The following MAPK6 variants were observed in gnomAD, a reference collection of about 807,000 sequenced individuals.
MAPK6 encodes mitogen-activated protein kinase 6.
MAPK6 carries 19 observed loss-of-function variants against 59.3 expected under a neutral mutation model. That is an observed-to-expected ratio of 0.32 (90% CI 0.22 to 0.47). The LOEUF (loss-of-function observed/expected upper bound fraction) is 0.47. MAPK6 is among the 20% of genes least tolerant of loss of function. The probability of loss-of-function intolerance (pLI) is 1.00; values close to 1 mark genes in which losing one functional copy is unlikely to be tolerated. For missense variants in MAPK6, 724 were observed against 847.9 expected (o/e 0.85, Z 1.81); for synonymous variants, 316 against 290.3 (o/e 1.09, Z -0.90).
At chr15:51,999,686 C>G (rs1278390547) in intron 2 of MAPK6, among the ~76,000 whole-genome samples, 16 of 152,110 alleles carry the variant, frequency 1.1e-4, no homozygotes, top group Admixed American at 8.5e-4. Context: ...CTCTGTCATC[C>G]AGGCTGGAAT....
intron 1 of MAPK6, among the ~76,000 whole-genome samples, chr15:52,032,708 G>C (rs1373694150): frequency 1.3e-5 from 2 of 151,240 alleles, no homozygotes; most frequent in Non-Finnish European, 3.0e-5. Context: ...TTTTGACACG[G>C]ACTTTCGCTC....
intron 3 of MAPK6, among the ~76,000 whole-genome samples, chr15:52,056,026 CATTCAAT>C (rs2031968651): frequency 6.6e-6 from 1 of 152,028 alleles, no homozygotes; most frequent in South Asian, 2.1e-4. Context: ...GTCAGTGACC[CATTCAAT>C]AAAAACACGA....
chr15:52,018,117 C>T (rs1595972436), upstream of MAPK6: 1 of 152,158 alleles, frequency 6.6e-6, no homozygotes, highest in Non-Finnish European at 1.5e-5. Flanking sequence ...TGCAACCCCC[C>T]GCGGGGTTCA....
intron 2 of MAPK6, among the ~76,000 whole-genome samples, chr15:51,991,409 G>T (rs891004110): frequency 2.0e-5 from 3 of 152,050 alleles, no homozygotes; most frequent in African/African-American, 7.2e-5. Flanking sequence ...GAAAATTTAG[G>T]TCTCATGCCA....
chr15:52,033,253 G>C (rs2031108391), intron 1 of MAPK6, among the ~76,000 whole-genome samples: 1 of 152,056 alleles, frequency 6.6e-6, no homozygotes, highest in Admixed American at 6.6e-5. Context: ...ATTGTTTTTG[G>C]GTGTGTCTGT....
At chr15:51,993,282 AAAT>A (rs1253881627) in intron 2 of MAPK6, among the ~76,000 whole-genome samples, 1 of 152,228 alleles carries the variant, frequency 6.6e-6, no homozygotes, top group Non-Finnish European at 1.5e-5. Context: ...GTCAAAGACC[AAAT>A]ATTAGAACAA....
intron 1 of MAPK6, among the ~76,000 whole-genome samples, chr15:52,030,463 C>T (rs770394491): frequency 7.9e-5 from 12 of 151,988 alleles, no homozygotes; most frequent in South Asian, 2.1e-4. Context: ...CCCAGTGTAA[C>T]GTGATTCTGG....
At chr15:51,976,557 GA>G (rs1472032008) in intron 1 of MAPK6, among the ~76,000 whole-genome samples, 2 of 151,746 alleles carry the variant, frequency 1.3e-5, no homozygotes, top group Admixed American at 1.3e-4. Context: ...TTTCTAGAGA[GA>G]AAAATCTGCT....
chr15:52,016,070 G>GCGCGCGCACA, upstream of MAPK6, among the ~76,000 whole-genome samples: 806 of 55,398 alleles, frequency 0.015, 20 homozygotes, highest in Admixed American at 0.018. Context: ...GCGCGCGCGC[G>GCGCGCGCACA]CACACACACA....
chr15:52,026,543 CG>C (rs2030784851), intron 1 of MAPK6, among the ~76,000 whole-genome samples: 1 of 151,990 alleles, frequency 6.6e-6, no homozygotes, highest in Non-Finnish European at 1.5e-5. Context: ...CCACCCGTCT[CG>C]GCCTCCCAAA....
intron 2 of MAPK6, among the ~76,000 whole-genome samples, chr15:51,992,907 G>A (rs954434372): frequency 1.3e-5 from 2 of 152,044 alleles, no homozygotes; most frequent in African/African-American, 4.8e-5. Flanking sequence ...GAACCTCCAC[G>A]TGTTCACTTA....
intron 2 of MAPK6, 82 bp from the exon 3 acceptor site, chr15:52,049,911 C>T: frequency 4.6e-6 from 6 of 1,313,310 alleles, no homozygotes; most frequent in Non-Finnish European, 5.4e-6. Context: ...CCACGCCTGG[C>T]AAATTAAGGA....
chr15:52,019,483 CCCT>C (rs1342622917), intron 1 of MAPK6, 107 bp downstream of exon 1: 2 of 147,324 alleles, frequency 1.4e-5, no homozygotes, highest in Non-Finnish European at 3.0e-5. Flanking sequence ...GGAGCCGGCT[CCCT>C]CCTCCATTGT....
chr15:52,021,821 T>C (rs2030540555), intron 1 of MAPK6, among the ~76,000 whole-genome samples: 1 of 152,198 alleles, frequency 6.6e-6, no homozygotes, highest in Admixed American at 6.5e-5. Context: ...TGCTTTGTGA[T>C]TTATGTGAAT....
intron 1 of MAPK6, among the ~76,000 whole-genome samples, chr15:52,037,133 CAAAAAG>C (rs1359411287): frequency 1.3e-5 from 2 of 151,948 alleles, no homozygotes; most frequent in East Asian, 3.9e-4. Context: ...CCCATTTCTA[CAAAAAG>C]AAAAAGAAAA....
chr15:52,061,202 C>T (rs2032183293), intron 4 of MAPK6, 97 bp from the exon 5 acceptor site: 2 of 875,392 alleles, frequency 2.3e-6, no homozygotes, highest in East Asian at 2.4e-5. Context: ...CTAAGGTAAT[C>T]ACTTAGCTAG....
chr15:52,058,497 C>A, intron 3 of MAPK6, 136 bp from the exon 4 acceptor site: 1 of 642,478 alleles, frequency 1.6e-6, no homozygotes, highest in Non-Finnish European at 2.5e-6. Context: ...ATAGTCAAAG[C>A]AATGAAACCT....
At chr15:52,006,777 A>G (rs1446811282) in intron 3 of MAPK6, among the ~76,000 whole-genome samples, 1 of 152,084 alleles carries the variant, frequency 6.6e-6, no homozygotes, top group Non-Finnish European at 1.5e-5. Context: ...TGAAATTATG[A>G]CTTATTAATA....
intron 1 of MAPK6, among the ~76,000 whole-genome samples, chr15:52,034,246 A>C (rs1290240025): frequency 1.3e-5 from 2 of 151,546 alleles, no homozygotes; most frequent in African/African-American, 4.9e-5. Context: ...CAGCCTCCCA[A>C]AGTGCTGGGA....
Sources: allele counts gnomAD v4.1 joint callset (sites outside exome capture counted in the v4.1 genomes callset), GRCh38; gene constraint gnomAD v4.1.1; transcripts MANE v1.5; gene names NCBI Gene and HGNC (gene_info 2026-07-23, HGNC 2026-07-21).